PCNX2: variants seen among roughly 807,000 people sequenced by gnomAD.
PCNX2 encodes the protein pecanex 2, also known as pecanex-like protein 2.
A neutral mutation model predicts 223.8 loss-of-function variants in PCNX2; 168 were observed. The ratio of observed to expected loss-of-function variants is 0.75; its 90% CI spans 0.66 to 0.85. The LOEUF is 0.85. PCNX2 is among the 40% of genes least tolerant of loss of function. PCNX2 has a pLI of 0.00. For synonymous variants in PCNX2, 1,006 were observed against 1,052.6 expected (o/e 0.96, Z 0.86); for missense variants, 2,507 against 2,675.5 (o/e 0.94, Z 1.39).
In PCNX2 at chr1:233,250,763, T is replaced by A; in HGVS notation, c.2198A>T (p.Asn733Ile). ...CCGAGCCTGAGAGAGACAGTCATTA[T>A]TTGATGGTAGAGGCTGTAAAGGGCC... ...KEGPLQPLPS[N>I]NDCLSQAREM... The change falls in exon 8 of 34, where the codon AAT (asparagine) becomes ATT (isoleucine). Residue 733 changes from asparagine to isoleucine, a missense_variant. Asn to Ile is a moderately radical substitution (Grantham distance 149, BLOSUM62 -3). Transcript: ENST00000258229. 1 of 1,607,370 alleles carries A rather than the reference T, an allele frequency of 6.2e-7. No homozygotes were observed. Among genetic ancestry groups the A allele is most frequent in the Non-Finnish European group, 8.5e-7 (1 of 1,176,880 alleles).
chr1:233,027,368 GT>G (rs1671115336), intron 25 of PCNX2, among the ~76,000 whole-genome samples: 1 of 152,118 alleles, frequency 6.6e-6, no homozygotes, highest in South Asian at 2.1e-4. Context: ...ATTTCTGGAA[GT>G]TTAAAAAATC....
rs953959604 is a variant in PCNX2 at position 233,065,004 on chromosome 1, A to AT, written c.4077-7715dup. Reference sequence around the variant, plus strand: ...TTAATTATTAAGTTAAAAAACTAAAATTTTTTTTTCATTTTATGTTTATAA... The same window carrying AT: ...TTAATTATTAAGTTAAAAAACTAAAATTTTTTTTTTCATTTTATGTTTATAA... On this transcript the variant is annotated intron_variant, in intron 23 of 33. Transcript: ENST00000258229. Among the ~76,000 whole-genome samples the AT allele has an allele frequency of 2.5e-4, 38 of 151,704 alleles. No individual in the cohort carries two copies. In the East Asian group the frequency reaches 4.1e-3, roughly 16 times the overall value.
intron 15 of PCNX2, among the ~76,000 whole-genome samples, chr1:233,180,426 T>C (rs1431858802): frequency 6.6e-6 from 1 of 152,186 alleles, no homozygotes; most frequent in African/African-American, 2.4e-5. Context: ...AGAAAACATC[T>C]ACATATTTAA....
intron 23 of PCNX2, 168 bp from the exon 24 acceptor site, chr1:233,057,458 T>C (rs1378694909): frequency 1.6e-6 from 1 of 613,468 alleles, no homozygotes; most frequent in East Asian, 2.8e-5. Context: ...AGTCTCATGA[T>C]AAGAGATAGA....
chr1:233,056,945 T>C (rs1672212614), intron 24 of PCNX2, among the ~76,000 whole-genome samples: 1 of 152,188 alleles, frequency 6.6e-6, no homozygotes, highest in Admixed American at 6.5e-5. Flanking sequence ...TCAAGGTTTA[T>C]AGTCTGTGTT....
intron 19 of PCNX2, among the ~76,000 whole-genome samples, chr1:233,147,578 A>T (rs922882587): frequency 6.2e-5 from 9 of 145,896 alleles, no homozygotes; most frequent in Non-Finnish European, 1.2e-4. Context: ...TATAACTTTT[A>T]CTGAAAAAAA....
At chr1:233,144,925 C>A (rs1032679264) in intron 19 of PCNX2, among the ~76,000 whole-genome samples, 1 of 149,400 alleles carries the variant, frequency 6.7e-6, no homozygotes. Context: ...TTAGGGCCTT[C>A]GGTGCTATTT....
chr1:233,214,915 T>C (rs1013116410), intron 12 of PCNX2, among the ~76,000 whole-genome samples: 2 of 152,204 alleles, frequency 1.3e-5, no homozygotes, highest in Non-Finnish European at 2.9e-5. Context: ...CATTTCGCTA[T>C]CTTCTGATTT....
chr1:233,134,712 AT>A, intron 21 of PCNX2: 1 of 439,846 alleles, frequency 2.3e-6, no homozygotes, highest in East Asian at 3.8e-5. Flanking sequence ...AATTCATAGC[AT>A]TTTAAGATCT....
At chr1:233,034,992 G>A (rs1484204368) in intron 25 of PCNX2, among the ~76,000 whole-genome samples, 6 of 152,300 alleles carry the variant, frequency 3.9e-5, no homozygotes, top group Non-Finnish European at 8.8e-5. Context: ...ACAGACCAGC[G>A]ATGGGGAAAC....
chr1:233,277,512 G>A (rs148649678), intron 1 of PCNX2, among the ~76,000 whole-genome samples: 1 of 152,044 alleles, frequency 6.6e-6, no homozygotes, highest in African/African-American at 2.4e-5. Flanking sequence ...TGGCCTAAGG[G>A]AGTAAACACC....
intron 26 of PCNX2, among the ~76,000 whole-genome samples, 157 bp from the exon 27 acceptor site, chr1:233,017,311 G>A (rs969748883): frequency 4.9e-5 from 6 of 121,938 alleles, no homozygotes; most frequent in South Asian, 5.5e-4. Context: ...ATTCTAAAAT[G>A]TCCTTTTTTT....
chr1:233,285,617 G>A (rs952573848), intron 1 of PCNX2, among the ~76,000 whole-genome samples: 1 of 152,204 alleles, frequency 6.6e-6, no homozygotes, highest in Non-Finnish European at 1.5e-5. Flanking sequence ...AGAGGTTGCA[G>A]CGACCTGAGA....
chr1:233,209,515 T>C (rs570362478), intron 12 of PCNX2, among the ~76,000 whole-genome samples: 24 of 152,336 alleles, frequency 1.6e-4, no homozygotes, highest in East Asian at 3.9e-4. Context: ...TTGCAATTCA[T>C]GAACTGCCTT....
intron 13 of PCNX2, among the ~76,000 whole-genome samples, chr1:233,204,420 G>A (rs140236897): frequency 1.3e-5 from 2 of 152,098 alleles, no homozygotes; most frequent in Non-Finnish European, 2.9e-5. Context: ...GAAGTATTAC[G>A]CTTCCTAGAG....
At chr1:233,008,166 A>G (rs1670350243) in intron 28 of PCNX2, among the ~76,000 whole-genome samples, 1 of 152,248 alleles carries the variant, frequency 6.6e-6, no homozygotes, top group South Asian at 2.1e-4. Context: ...TACTGCTTTC[A>G]TGAACTCTTT....
chr1:233,111,932 T>C (rs1473525713), intron 21 of PCNX2, among the ~76,000 whole-genome samples: 1 of 152,232 alleles, frequency 6.6e-6, no homozygotes, highest in Non-Finnish European at 1.5e-5. Flanking sequence ...TTGGGTTCAA[T>C]GGAATTTTTC....
At chr1:233,200,381 A>ATATTT in intron 13 of PCNX2, 117 bp from the exon 14 acceptor site, 4 of 429,186 alleles carry the variant, frequency 9.3e-6, no homozygotes, top group Admixed American at 4.6e-5. Context: ...ACTGGAGGCA[A>ATATTT]TCTTTTTTTT....
chr1:233,137,540 T>C (rs1031058405), intron 20 of PCNX2, among the ~76,000 whole-genome samples: 2 of 152,260 alleles, frequency 1.3e-5, no homozygotes, highest in African/African-American at 4.8e-5. Context: ...GGTGATGTTT[T>C]TGTGACCAGA....
Sources: gnomAD v4.1 joint callset for allele counts (sites outside exome capture counted in the v4.1 genomes callset) on GRCh38, gnomAD v4.1.1 for gene constraint, MANE v1.5 for transcripts, NCBI Gene and HGNC (gene_info 2026-07-23, HGNC 2026-07-21) for gene names.